GANAB: variants seen among roughly 807,000 people sequenced by gnomAD.
GANAB encodes neutral alpha-glucosidase AB.
GANAB carries 35 observed loss-of-function variants against 129.9 expected under a neutral mutation model. The observed-to-expected ratio is 0.27, with a 90% CI of 0.21 to 0.36. The LOEUF (loss-of-function observed/expected upper bound fraction) is 0.36. Among genes scored for constraint, GANAB ranks in the 10% least tolerant of loss-of-function variants. The pLI is 1.00. For synonymous variants in GANAB, 482 were observed against 451.8 expected (o/e 1.07, Z -0.85); for missense variants, 939 against 1,221.0 (o/e 0.77, Z 3.44).
rs1313478238 is a variant in GANAB at position 62,639,414 on chromosome 11, G to A, written c.197C>T (p.Ser66Phe). ...GLSPYRALLDSLQLGPDSLTV... is the reference protein window; with the variant it reads ...GLSPYRALLDFLQLGPDSLTV... Reference sequence around the variant, plus strand: ...GAGGGAATCAGGACCAAGCTGTAGAGAGTCCAGCAAGGCTCGGTATGGAGA... The same window carrying A: ...GAGGGAATCAGGACCAAGCTGTAGAAAGTCCAGCAAGGCTCGGTATGGAGA... The change falls in exon 3 of 24, where the codon TCT becomes TTT. Residue 66 changes from serine to phenylalanine, a missense_variant. Ser to Phe is a radical substitution (Grantham distance 155, BLOSUM62 -2). This residue lies in a region of GANAB where 321 missense variants were observed against 329.1 expected (regional missense o/e 0.98). Transcript: ENST00000356638. 6.2e-7 allele frequency: 1 copy of A among 1,613,474 alleles called. No homozygotes were observed. The highest frequency in any genetic ancestry group is 8.5e-7 in the Non-Finnish European group (1 of 1,179,730).
intron 1 of GANAB, among the ~76,000 whole-genome samples, chr11:62,640,676 A>T (rs1944209033): frequency 6.6e-6 from 1 of 151,742 alleles, no homozygotes; most frequent in South Asian, 2.1e-4. Context: ...TATTAAAAAT[A>T]CACAAAATTA....
In GANAB at chr11:62,634,890, C is replaced by T. The variant is rs1250954225; in HGVS notation, c.491G>A (p.Arg164Gln). 4 of 1,614,038 alleles carry T rather than the reference C, an allele frequency of 2.5e-6. No individual in the cohort carries two copies. Among genetic ancestry groups the T allele is most frequent in the East Asian group, 2.2e-5 (1 of 44,890 alleles). ...GGCATTGACACTAAGCAAAAGACTT[C>T]GGTCCTCTAGTAGGTCAAGGCGGAA... ...RPFRLDLLED[R>Q]SLLLSVNARG... The change falls in exon 5 of 24, where the codon CGA becomes CAA. Residue 164 changes from arginine to glutamine, a missense_variant. Around this residue, in one of 5 missense-constraint regions of GANAB, gnomAD observed 321 missense variants for 329.1 expected, o/e 0.98. Coordinates refer to ENST00000356638, the MANE Select transcript of GANAB (RefSeq NM_198334.3).
intron 1 of GANAB, among the ~76,000 whole-genome samples, chr11:62,643,063 C>G (rs772256865): frequency 7.9e-5 from 12 of 152,118 alleles, no homozygotes; most frequent in Admixed American, 2.6e-4. Flanking sequence ...AAGGTTATCA[C>G]GAATTGTCAA....
At chr11:62,645,850 A>C (rs1271675360) in intron 1 of GANAB, among the ~76,000 whole-genome samples, 2 of 151,916 alleles carry the variant, frequency 1.3e-5, no homozygotes, top group African/African-American at 4.8e-5. Flanking sequence ...CGCCTACCCC[A>C]CCCCAGTATA....
chr11:62,638,958 T>C (rs1178934460), intron 4 of GANAB, 25 bp downstream of exon 4: 1 of 1,609,458 alleles, frequency 6.2e-7, no homozygotes, highest in African/African-American at 1.3e-5. Flanking sequence ...GCCACAGAAA[T>C]GGATGTTTCT....
At position 62,630,241 on chromosome 11, in the gene GANAB, T is replaced by C. The variant is rs1227760662; in HGVS notation, c.1549A>G (p.Met517Val). ...AGYPDFTNPT[M>V]RAWWANMFSY... Reference sequence around the variant, plus strand: ...AACATGTTAGCCCACCAGGCCCTCATCGTGGGATTAGTGAAGTCAGGGTAA... The same window carrying C: ...AACATGTTAGCCCACCAGGCCCTCACCGTGGGATTAGTGAAGTCAGGGTAA... Residue 517 changes from methionine (M) to valine (V), a missense_variant, in exon 13 of 24, where the codon ATG becomes GTG. Physicochemically the swap from Met to Val is conservative, Grantham distance 21. Coordinates refer to ENST00000356638, the MANE Select transcript of GANAB (RefSeq NM_198334.3). 2 of 1,613,670 alleles carry C rather than the reference T, an allele frequency of 1.2e-6. No homozygotes were observed. Among genetic ancestry groups the C allele is most frequent in the Non-Finnish European group, 1.7e-6 (2 of 1,179,852 alleles).
rs145841521 is a variant in GANAB, at chr11:62,639,101, C to T, written c.262G>A (p.Val88Met). 186 of 1,613,750 alleles carry T rather than the reference C, an allele frequency of 1.2e-4. 1 individual carries two copies. Among genetic ancestry groups the T allele is most frequent in the Non-Finnish European group, 1.4e-4 (163 of 1,179,966 alleles). The change falls in exon 4 of 24, where the codon GTG becomes ATG. Residue 88 changes from valine (V) to methionine (M), a missense_variant. This residue lies in a region of GANAB where 321 missense variants were observed against 329.1 expected (regional missense o/e 0.98). Coordinates refer to ENST00000356638, the MANE Select transcript of GANAB (RefSeq NM_198334.3). ...TTTTGAAGCCCCTGAAGCTCTAGCA[C>T]CAGCAACACCTGCGGGGACAGAGGT... ...LIHEVTKVLL[V>M]LELQGLQKNM...
chr11:62,636,930 A>C (rs572062259), intron 4 of GANAB, among the ~76,000 whole-genome samples: 2 of 151,650 alleles, frequency 1.3e-5, no homozygotes, highest in East Asian at 3.9e-4. Flanking sequence ...TGTCTCAAAA[A>C]ATATATATAT....
chr11:62,629,143 A>G, intron 16 of GANAB, 51 bp downstream of exon 16: 1 of 1,540,940 alleles, frequency 6.5e-7, no homozygotes, highest in Non-Finnish European at 9.0e-7. Flanking sequence ...TGTGCCCTCT[A>G]CTTTGCCCCT....
At chr11:62,632,184 G>A (rs774082723) in intron 9 of GANAB, among the ~76,000 whole-genome samples, 84 of 151,712 alleles carry the variant, frequency 5.5e-4, no homozygotes, top group Middle Eastern at 3.2e-3. Context: ...ATGTTGGCCA[G>A]GCTGGTCTCC....
chr11:62,634,017 C>A, intron 5 of GANAB: 1 of 416,176 alleles, frequency 2.4e-6, no homozygotes, highest in Non-Finnish European at 4.3e-6. Context: ...CCCAGAACCT[C>A]AGGTGCCCCT....
intron 1 of GANAB, among the ~76,000 whole-genome samples, chr11:62,645,211 T>A (rs373627147): frequency 1.8e-3 from 272 of 152,242 alleles, no homozygotes; most frequent in African/African-American, 5.8e-3. Flanking sequence ...CTGACCCACG[T>A]CCACCTGCCA....
intron 22 of GANAB, 82 bp downstream of exon 22, chr11:62,626,253 G>C: frequency 1.5e-6 from 2 of 1,346,600 alleles, no homozygotes; most frequent in South Asian, 2.3e-5. Context: ...CAGAATGTGA[G>C]AAAAGAGCAC....
At chr11:62,644,937 A>G (rs1213208671) in intron 1 of GANAB, among the ~76,000 whole-genome samples, 1 of 152,166 alleles carries the variant, frequency 6.6e-6, no homozygotes, top group Non-Finnish European at 1.5e-5. Context: ...TAGCTTCAGC[A>G]TCTGCTTGAA....
intron 9 of GANAB, 110 bp downstream of exon 9, chr11:62,632,455 C>T (rs559491715): frequency 1.2e-5 from 10 of 806,618 alleles, no homozygotes; most frequent in East Asian, 4.9e-5. Context: ...ACCAGGCCCA[C>T]AGCCCCTTCT....
Position 62,639,010 on chromosome 11 carries a change from A to C in GANAB, c.353T>G (p.Val118Gly). Residue 118 changes from valine (V) to glycine (G), a missense_variant, in exon 4 of 24, where the codon GTT (valine) becomes GGT (glycine). By Grantham distance (109) the Val-to-Gly change is moderately radical. Transcript: ENST00000356638. ...PRRPRYRVPD[V>G]LVADPPIARL... ...GGCTATTGGTGGATCAGCCACCAAA[A>C]CATCTGGTACACGGTATCGGGGTCG... 1 of 1,614,108 alleles carries C rather than the reference A, an allele frequency of 6.2e-7. No homozygotes were observed. The highest frequency in any genetic ancestry group is 8.5e-7 in the Non-Finnish European group (1 of 1,179,968).
Position 62,625,358 on chromosome 11 carries a change from AT to A in GANAB, c.*456del. On this transcript the variant is annotated 3_prime_UTR_variant, in exon 24 of 24. Transcript: ENST00000356638. ...AGGGGAGTAAAGCCTGGAGGAAGAA[AT>A]GAAAGGTGGGAGAGCAATCTGGTGG... The A allele has an allele frequency of 2.2e-6, 1 of 449,534 alleles. No individual in the cohort carries two copies. Among genetic ancestry groups the A allele is most frequent in the Non-Finnish European group, 4.5e-6 (1 of 224,048 alleles). The allele number at this position is 449,534 out of a possible 1,614,324, so 27.8% of individuals were successfully genotyped here.
Position 62,634,196 on chromosome 11 carries a change from G to A in GANAB, c.560+625C>T, listed in dbSNP as rs974153155. On this transcript the variant is annotated intron_variant, in intron 5 of 23. Coordinates refer to ENST00000356638, the MANE Select transcript of GANAB (RefSeq NM_198334.3). Reference sequence around the variant, plus strand: ...CAGGACCAGACATCACACAGCAGGGGAAAGTGGGGTGAGTGAAAGGCTGGA... The same window carrying A: ...CAGGACCAGACATCACACAGCAGGGAAAAGTGGGGTGAGTGAAAGGCTGGA... 9.6e-6 allele frequency: 7 copies of A among 731,564 alleles called. No homozygotes were observed. In the Admixed American group the frequency reaches 1.0e-4, roughly 11 times the overall value. 45.3% of individuals were successfully genotyped at this position (731,564 alleles called of 1,614,324 possible).
At chr11:62,629,503 T>G in intron 15 of GANAB, 85 bp downstream of exon 15, 1 of 942,520 alleles carries the variant, frequency 1.1e-6, no homozygotes, top group Non-Finnish European at 1.7e-6. Context: ...TGGCTCCCAT[T>G]CCTCAGAGAG....
Sources: allele counts gnomAD v4.1 joint callset (sites outside exome capture counted in the v4.1 genomes callset), GRCh38; gene constraint gnomAD v4.1.1; regional missense constraint gnomAD v4.1.1; transcripts MANE v1.5; gene names NCBI Gene and HGNC (gene_info 2026-07-23, HGNC 2026-07-21).